Variants in NDUFA10 observed in about 807,000 individuals in gnomAD.
The protein encoded by NDUFA10 is NADH dehydrogenase [ubiquinone] 1 alpha subcomplex subunit 10, mitochondrial.
NDUFA10 carries 40 observed loss-of-function variants against 47.8 expected under a neutral mutation model. The observed-to-expected ratio is 0.84, with a 90% CI of 0.65 to 1.09. The LOEUF (loss-of-function observed/expected upper bound fraction) is 1.09, where lower values mean the gene tolerates loss of function less well. NDUFA10 is among the 50% of genes least tolerant of loss of function. The pLI, the probability that NDUFA10 is intolerant of heterozygous loss-of-function variation, is 0.00. For synonymous variants in NDUFA10, 183 were observed against 172.2 expected (o/e 1.06, Z -0.49); for missense variants, 413 against 451.1 (o/e 0.92, Z 0.76).
intron 4 of NDUFA10, among the ~76,000 whole-genome samples, chr2:239,903,568 T>C (rs1272055943): frequency 1.3e-5 from 2 of 152,218 alleles, no homozygotes; most frequent in Non-Finnish European, 2.9e-5. Flanking sequence ...CAAATAAGGC[T>C]GGACGCTGCC....
chr2:239,980,783 G>C (rs967477), intron 9 of NDUFA10, among the ~76,000 whole-genome samples: 20,198 of 152,178 alleles, frequency 0.13, 1,401 homozygotes, highest in South Asian at 0.15. Context: ...TGAAGCCGCG[G>C]TGCCCTCGGG....
intron 8 of NDUFA10, among the ~76,000 whole-genome samples, chr2:239,996,682 T>C (rs1251847365): frequency 6.6e-6 from 1 of 152,192 alleles, no homozygotes; most frequent in Non-Finnish European, 1.5e-5. Context: ...ATATAAACTA[T>C]GCACACACTC....
intron 4 of NDUFA10, among the ~76,000 whole-genome samples, chr2:240,017,465 T>C (rs1304415537): frequency 6.6e-6 from 1 of 152,210 alleles, no homozygotes; most frequent in African/African-American, 2.4e-5. Flanking sequence ...ATTTCTCCTA[T>C]GTGCCCCCAA....
intron 4 of NDUFA10, among the ~76,000 whole-genome samples, chr2:239,939,417 A>G (rs554455400): frequency 1.3e-5 from 2 of 152,236 alleles, no homozygotes; most frequent in Non-Finnish European, 2.9e-5. Flanking sequence ...CCAGGAAGTG[A>G]GGCAGCTGCA....
At chr2:239,909,004 T>C (rs1250135710) in intron 4 of NDUFA10, among the ~76,000 whole-genome samples, 1 of 152,188 alleles carries the variant, frequency 6.6e-6, no homozygotes, top group East Asian at 1.9e-4. Flanking sequence ...TCCCAAGCTC[T>C]CCACTGGCTG....
intron 5 of NDUFA10, 169 bp downstream of exon 5, chr2:240,014,570 G>A: frequency 9.1e-7 from 1 of 1,103,106 alleles, no homozygotes. Flanking sequence ...GAGCCATGGG[G>A]TCTCCCCTCC....
Position 239,920,213 on chromosome 2 carries a change from G to T in NDUFA10, c.295-24899C>A, listed in dbSNP as rs375214580. Among the ~76,000 whole-genome samples, 19 of 152,356 alleles carry T rather than the reference G, an allele frequency of 1.2e-4. No homozygotes were observed. The East Asian group carries it at 3.5e-3, about 28-fold the overall frequency. ...CCAACCCCGTGTGAGGGTTCAGCAG[G>T]AAGGTGGGGAGAGGGCCCTCCCCAG... is the stretch of plus-strand genomic sequence containing the variant. On this transcript the variant is annotated intron_variant, in intron 4 of 5. Transcript: ENST00000419408.
intron 9 of NDUFA10, chr2:239,969,639 T>G (rs562244038): frequency 2.1e-6 from 1 of 471,218 alleles, no homozygotes; most frequent in East Asian, 6.9e-5. Context: ...CTTGTCACAG[T>G]CCCGCAAGGA....
chr2:239,959,617 A>G lies in NDUFA10; in HGVS notation c.*1501T>C, dbSNP rs1352790938. The G allele has an allele frequency of 1.0e-6, 1 of 986,218 alleles. No homozygotes were observed. The highest frequency in any genetic ancestry group is 1.7e-5 in the African/African-American group (1 of 57,318). The allele number at this position is 986,218 out of a possible 1,614,324, so 61.1% of individuals were successfully genotyped here. Reference sequence around the variant, plus strand: ...GAAACTTTATTTTCAAATTCTTAAAACAAGGAAGGAGGCAGGGAGGAAGGG... The same window carrying G: ...GAAACTTTATTTTCAAATTCTTAAAGCAAGGAAGGAGGCAGGGAGGAAGGG... On this transcript the variant is annotated 3_prime_UTR_variant, in exon 10 of 10. Coordinates refer to ENST00000252711, the MANE Select transcript of NDUFA10 (RefSeq NM_004544.4).
chr2:239,935,711 G>T (rs1694253738), intron 4 of NDUFA10, among the ~76,000 whole-genome samples: 1 of 152,174 alleles, frequency 6.6e-6, no homozygotes, highest in African/African-American at 2.4e-5. Context: ...CTGTTCTCAT[G>T]GTAGGGAGTA....
chr2:239,923,882 G>C (rs1694027375), intron 4 of NDUFA10, among the ~76,000 whole-genome samples: 1 of 152,034 alleles, frequency 6.6e-6, no homozygotes, highest in South Asian at 2.1e-4. Flanking sequence ...AAAGAGAGAA[G>C]ACACAAATTA....
chr2:240,007,860 C>T (rs1323179088), intron 6 of NDUFA10, among the ~76,000 whole-genome samples: 1 of 151,638 alleles, frequency 6.6e-6, no homozygotes, highest in South Asian at 2.1e-4. Flanking sequence ...CTTTACACCA[C>T]AGCACCCTCC....
intron 4 of NDUFA10, among the ~76,000 whole-genome samples, chr2:239,947,470 G>C (rs567121666): frequency 8.3e-4 from 127 of 152,294 alleles, no homozygotes; most frequent in Non-Finnish European, 1.6e-3. Context: ...CAAAGACCGG[G>C]AGGCAGCTGC....
intron 4 of NDUFA10, among the ~76,000 whole-genome samples, chr2:239,926,764 CAG>C (rs1414315666): frequency 6.6e-6 from 1 of 152,130 alleles, no homozygotes; most frequent in East Asian, 1.9e-4. Context: ...AGGTGGAAGA[CAG>C]TGACGTCATA....
At chr2:239,985,173 A>G (rs1361334703) in intron 9 of NDUFA10, among the ~76,000 whole-genome samples, 1 of 152,198 alleles carries the variant, frequency 6.6e-6, no homozygotes, top group Non-Finnish European at 1.5e-5. Flanking sequence ...AAACAACCCC[A>G]AACCAAACGT....
intron 9 of NDUFA10, chr2:239,983,710 T>A: frequency 1.3e-6 from 2 of 1,568,020 alleles, no homozygotes; most frequent in Non-Finnish European, 8.6e-7. Flanking sequence ...CACAGTCCAA[T>A]CTAATCGCTA....
At chr2:239,915,151 G>GAC (rs145156273) in intron 4 of NDUFA10, among the ~76,000 whole-genome samples, 107,575 of 137,812 alleles carry the variant, frequency 0.78, 42,248 homozygotes, top group African/African-American at 0.91. Flanking sequence ...CAAATATACA[G>GAC]ACACACAGAG....
chr2:239,948,782 G>A (rs971835077), intron 4 of NDUFA10, among the ~76,000 whole-genome samples: 2 of 152,238 alleles, frequency 1.3e-5, no homozygotes, highest in Non-Finnish European at 2.9e-5. Flanking sequence ...AGAGCCAGCC[G>A]AGGTGGCCCT....
Position 239,987,823 on chromosome 2 carries a change from G to A in NDUFA10, c.999+2251C>T, listed in dbSNP as rs1197861748. Reference sequence around the variant, plus strand: ...ACGTATGGAGAATTAAGACGACCGAGATCATGCAAAACATGCGAGTGGGTA... The same window carrying A: ...ACGTATGGAGAATTAAGACGACCGAAATCATGCAAAACATGCGAGTGGGTA... On this transcript the variant is annotated intron_variant, in intron 9 of 9. Transcript: ENST00000252711. The surrounding 1 kb of genome is among the most constrained non-coding windows in gnomAD (Gnocchi z 4.8). 1.3e-5 allele frequency among the ~76,000 whole-genome samples: 2 copies of A among 152,200 alleles called. No individual in the cohort carries two copies. The highest frequency in any genetic ancestry group is 4.8e-5 in the African/African-American group (2 of 41,456).
Sources: allele counts gnomAD v4.1 joint callset (sites outside exome capture counted in the v4.1 genomes callset), GRCh38; gene constraint gnomAD v4.1.1; non-coding constraint Gnocchi (gnomAD v3.1); transcripts MANE v1.5; gene names NCBI Gene and HGNC (gene_info 2026-07-23, HGNC 2026-07-21).